The following ABLIM2 variants were observed in gnomAD, a reference collection of about 807,000 sequenced individuals.
ABLIM2 encodes actin binding LIM protein family member 2, also known as actin-binding LIM protein 2.
In ABLIM2, 53 loss-of-function variants were observed where a neutral mutation model predicts 97.7. That is an observed-to-expected ratio of 0.54 (90% CI 0.44 to 0.68). The LOEUF is 0.68. ABLIM2 is among the 30% of genes least tolerant of loss of function. The pLI is 0.00. For missense variants in ABLIM2, 835 were observed against 867.2 expected (o/e 0.96, Z 0.47); for synonymous variants, 361 against 345.8 (o/e 1.04, Z -0.49).
chr4:7,988,212 A>G (rs144791957), intron 17 of ABLIM2, among the ~76,000 whole-genome samples: 6,215 of 152,108 alleles, frequency 0.041, 237 homozygotes, highest in African/African-American at 0.1. Flanking sequence ...TAGTAGAGAC[A>G]GGGTTTCACC....
At chr4:8,018,524 T>C (rs1257856261) in intron 14 of ABLIM2, among the ~76,000 whole-genome samples, 1 of 152,218 alleles carries the variant, frequency 6.6e-6, no homozygotes, top group East Asian at 1.9e-4. Context: ...AGCCATCATT[T>C]CTGGAAACTC....
intron 14 of ABLIM2, among the ~76,000 whole-genome samples, chr4:8,014,482 G>C (rs916344109): frequency 6.6e-6 from 1 of 152,208 alleles, no homozygotes; most frequent in African/African-American, 2.4e-5. Context: ...GGGAGGGAGA[G>C]AATGTGTGTG....
At chr4:8,139,022 C>T (rs944210904) in intron 1 of ABLIM2, among the ~76,000 whole-genome samples, 8 of 152,208 alleles carry the variant, frequency 5.3e-5, no homozygotes, top group African/African-American at 1.4e-4. Context: ...CATGGCGAAA[C>T]GCCGTCTCTA....
chr4:7,971,726 A>G (rs1206845939), intron 20 of ABLIM2, among the ~76,000 whole-genome samples: 1 of 151,524 alleles, frequency 6.6e-6, no homozygotes, highest in Non-Finnish European at 1.5e-5. Flanking sequence ...CCCCCTACCA[A>G]CCTCCAGCCC....
chr4:7,989,553 T>A, intron 17 of ABLIM2: 1 of 404,156 alleles, frequency 2.5e-6, no homozygotes, highest in Non-Finnish European at 3.3e-6. Context: ...CTATTAATTT[T>A]ATTAATTCCT....
At position 8,068,568 on chromosome 4, in the gene ABLIM2, C is replaced by A. The variant is rs965805649; in HGVS notation, c.676-7514G>T. 6.6e-6 allele frequency among the ~76,000 whole-genome samples: 1 copy of A among 152,248 alleles called. No homozygotes were observed. The highest frequency in any genetic ancestry group is 2.4e-5 in the African/African-American group (1 of 41,470). ...TGGGCTTCTGGAGAATGGATCAGCCCTCTCTGCCATGAGCCCCTCACACCT... is the reference window on the plus strand; with the variant it reads ...TGGGCTTCTGGAGAATGGATCAGCCATCTCTGCCATGAGCCCCTCACACCT... On this transcript the variant is annotated intron_variant, in intron 6 of 20. Transcript: ENST00000447017. The surrounding 1 kb of genome is among the most constrained non-coding windows in gnomAD (Gnocchi z 4.5).
chr4:8,035,659 G>A (rs890408926), intron 10 of ABLIM2, among the ~76,000 whole-genome samples: 6 of 152,210 alleles, frequency 3.9e-5, no homozygotes, highest in Admixed American at 3.3e-4. Context: ...GCCGTCCACA[G>A]GCAGGCCAGG....
rs1840766523 is a variant in ABLIM2 at position 8,112,367 on chromosome 4, C to T, written c.11-5730G>A. The stretch of plus-strand genomic sequence containing the variant: ...TTTAACTCTGCAAAGCCTCAGTTTT[C>T]ACATCTGTAAATCAGGGCTTGATCT... On this transcript the variant is annotated intron_variant, in intron 1 of 20. Coordinates refer to ENST00000447017, the MANE Select transcript of ABLIM2 (RefSeq NM_001130083.2). This position sits in a 1 kb window ranked among gnomAD's most constrained non-coding sequence, Gnocchi z 4.2. Among the ~76,000 whole-genome samples the T allele has an allele frequency of 6.6e-6, 1 of 152,216 alleles. No individual in the cohort carries two copies. The highest frequency in any genetic ancestry group is 2.4e-5 in the African/African-American group (1 of 41,462).
At chr4:7,976,584 C>T (rs898669696) in intron 20 of ABLIM2, among the ~76,000 whole-genome samples, 2 of 152,188 alleles carry the variant, frequency 1.3e-5, no homozygotes, top group African/African-American at 4.8e-5. Context: ...CTAAGGCTCC[C>T]TCCTGTCCCA....
chr4:8,031,839 C>T (rs1168480653), intron 10 of ABLIM2, among the ~76,000 whole-genome samples: 1 of 151,894 alleles, frequency 6.6e-6, no homozygotes, highest in Non-Finnish European at 1.5e-5. Flanking sequence ...ATTCTCCTGC[C>T]TCAGCTTCCG....
intron 6 of ABLIM2, among the ~76,000 whole-genome samples, chr4:8,065,163 G>T (rs1806205301): frequency 6.6e-6 from 1 of 152,034 alleles, no homozygotes; most frequent in Non-Finnish European, 1.5e-5. Context: ...GAGGTGGGAG[G>T]ATACTTTGAG....
Position 8,046,173 on chromosome 4 carries a change from C to T in ABLIM2, c.823-932G>A, listed in dbSNP as rs560434507. 5.9e-5 allele frequency among the ~76,000 whole-genome samples: 9 copies of T among 152,268 alleles called. No homozygotes were observed. Among genetic ancestry groups the T allele is most frequent in the East Asian group, 1.9e-4 (1 of 5,168 alleles). The stretch of plus-strand genomic sequence containing the variant: ...GCTGTCTGGGGCCACTCCTCCCTTC[C>T]GGACCACACCCGCTGTGTCCCCTGG... On this transcript the variant is annotated intron_variant, in intron 8 of 20. Transcript: ENST00000447017. The surrounding 1 kb of genome is among the most constrained non-coding windows in gnomAD (Gnocchi z 4.4).
rs1353880976 is a variant in ABLIM2, at chr4:8,127,348, A to C, written c.11-20711T>G. Among the ~76,000 whole-genome samples the C allele has an allele frequency of 1.3e-5, 2 of 152,102 alleles. No individual in the cohort carries two copies. The highest frequency in any genetic ancestry group is 4.8e-5 in the African/African-American group (2 of 41,420). ...GTGCTGTCCATAGAGAGTGTCCCCG[A>C]AGCCTGCACCCACTGGCGCTCGTGG... is the stretch of plus-strand genomic sequence containing the variant. On this transcript the variant is annotated intron_variant, in intron 1 of 20. Transcript: ENST00000447017. This position sits in a 1 kb window ranked among gnomAD's most constrained non-coding sequence, Gnocchi z 7.3.
intron 1 of ABLIM2, among the ~76,000 whole-genome samples, chr4:8,142,306 T>C (rs1851112623): frequency 1.3e-5 from 2 of 152,146 alleles, no homozygotes; most frequent in Non-Finnish European, 1.5e-5. Context: ...CTGCCCGCAC[T>C]GCCCGAGGGC....
In ABLIM2 at chr4:8,032,678, G is replaced by T; in HGVS notation, c.1048-2902C>A. 2 of 1,612,506 alleles carry T rather than the reference G, an allele frequency of 1.2e-6. No individual in the cohort carries two copies. The highest frequency in any genetic ancestry group is 1.7e-6 in the Non-Finnish European group (2 of 1,179,800). On this transcript the variant is annotated intron_variant, in intron 10 of 20. Coordinates refer to ENST00000447017, the MANE Select transcript of ABLIM2 (RefSeq NM_001130083.2). This position sits in a 1 kb window ranked among gnomAD's most constrained non-coding sequence, Gnocchi z 4.3. ...TCGGCGTTGGCGAGAGCAACTGAGG[G>T]GACTGTGGACACAACACACAAAGTG...
Position 8,032,732 on chromosome 4 carries a change from G to C in ABLIM2, c.1048-2956C>G. 1.3e-6 allele frequency: 2 copies of C among 1,593,152 alleles called. No individual in the cohort carries two copies. Among genetic ancestry groups the C allele is most frequent in the Non-Finnish European group, 1.7e-6 (2 of 1,173,190 alleles). Reference sequence around the variant, plus strand: ...ATTAGTGCTGGCGCCAGGCAGAGAGGGAGGAGGGCAGTTCCGTGACTGGCA... The same window carrying C: ...ATTAGTGCTGGCGCCAGGCAGAGAGCGAGGAGGGCAGTTCCGTGACTGGCA... On this transcript the variant is annotated intron_variant, in intron 10 of 20. Transcript: ENST00000447017. This position sits in a 1 kb window ranked among gnomAD's most constrained non-coding sequence, Gnocchi z 4.3.
chr4:8,054,326 G>A lies in ABLIM2; in HGVS notation c.764-80C>T. Reference sequence around the variant, plus strand: ...GGCCTGTGTGGAAACGCAGAGGAGGGAGCTGGTCCATGCACAGACGTGCAC... The same window carrying A: ...GGCCTGTGTGGAAACGCAGAGGAGGAAGCTGGTCCATGCACAGACGTGCAC... On this transcript the variant is annotated intron_variant, in intron 7 of 20. Transcript: ENST00000447017. The surrounding 1 kb of genome is among the most constrained non-coding windows in gnomAD (Gnocchi z 4.9). 1.3e-6 allele frequency: 2 copies of A among 1,484,646 alleles called. No homozygotes were observed. The highest frequency in any genetic ancestry group is 1.9e-6 in the Non-Finnish European group (2 of 1,070,412). 92.0% of individuals were successfully genotyped at this position (1,484,646 alleles called of 1,614,324 possible). A position where few individuals can be genotyped will look rare whatever the true frequency, so the allele number is the denominator to read the frequency against.
intron 3 of ABLIM2, among the ~76,000 whole-genome samples, chr4:8,096,762 C>A (rs943243608): frequency 2.0e-5 from 3 of 152,200 alleles, no homozygotes; most frequent in Non-Finnish European, 2.9e-5. Context: ...GGCTCCTGCT[C>A]AGCCCCAGGA....
intron 6 of ABLIM2, among the ~76,000 whole-genome samples, chr4:8,074,288 C>G (rs549051549): frequency 1.3e-5 from 2 of 151,910 alleles, no homozygotes; most frequent in Admixed American, 1.3e-4. Context: ...ATCCCTGTCT[C>G]TAAGAAAATT....
Sources: allele counts gnomAD v4.1 joint callset (sites outside exome capture counted in the v4.1 genomes callset), GRCh38; gene constraint gnomAD v4.1.1; non-coding constraint Gnocchi (gnomAD v3.1); transcripts MANE v1.5; gene names NCBI Gene and HGNC (gene_info 2026-07-23, HGNC 2026-07-21).